ZSCAN18: variants seen among roughly 807,000 people sequenced by gnomAD.
The protein encoded by ZSCAN18 is zinc finger and SCAN domain-containing protein 18.
In ZSCAN18, 16 loss-of-function variants were observed where a neutral mutation model predicts 31.1. The observed-to-expected ratio is 0.51, with a 90% CI of 0.35 to 0.78. ZSCAN18 has a LOEUF of 0.78. Ranked by LOEUF, ZSCAN18 falls within the 30% of genes least tolerant of loss-of-function variation. ZSCAN18 has a pLI of 0.01. For missense variants in ZSCAN18, 731 were observed against 697.4 expected, an observed-to-expected ratio of 1.05 and a Z score of -0.54; for synonymous variants, 375 against 320.7, an observed-to-expected ratio of 1.17 and a Z score of -1.81.
chr19:58,086,639 G>A (rs1307766955), intron 5 of ZSCAN18: 1 of 503,768 alleles, frequency 2.0e-6, no homozygotes, highest in African/African-American at 2.0e-5. Context: ...GGCAAGGAGG[G>A]TGGCAATGTG....
At chr19:58,109,393 GC>G in intron 1 of ZSCAN18, 1 of 1,222,214 alleles carries the variant, frequency 8.2e-7, no homozygotes. Flanking sequence ...AATCAGCCAG[GC>G]CAGTATCTAT....
chr19:58,099,182 TA>T (rs2074571567), upstream of ZSCAN18, among the ~76,000 whole-genome samples: 2 of 152,210 alleles, frequency 1.3e-5, no homozygotes, highest in Non-Finnish European at 2.9e-5. Flanking sequence ...TTATGAATTT[TA>T]ACTCATATCC....
At chr19:58,085,471 A>AGGGCTCC in intron 6 of ZSCAN18, 92 bp from the exon 7 acceptor site, 1 of 1,170,282 alleles carries the variant, frequency 8.5e-7, no homozygotes, top group Non-Finnish European at 1.2e-6. Context: ...AACAGCGCAC[A>AGGGCTCC]GGGCTCCGGG....
chr19:58,092,692 C>T, intron 1 of ZSCAN18: 2 of 984,068 alleles, frequency 2.0e-6, no homozygotes, highest in Non-Finnish European at 2.4e-6. Flanking sequence ...TGTTGGAAGA[C>T]ATTCTACACA....
In ZSCAN18 at chr19:58,086,269, G is replaced by T. The variant is rs753797353; in HGVS notation, c.746-3C>A. 8 of 1,613,130 alleles carry T rather than the reference G, an allele frequency of 5.0e-6. No homozygotes were observed. The South Asian group carries it at 7.7e-5, about 15-fold the overall frequency. ...GTCAGGCTGGGAAAGCTGATACCCT[G>T]AGTGGGGTTAAAAACCAAAGAAATA... On this transcript the variant is annotated splice_region_variant and splice_polypyrimidine_tract_variant and intron_variant, in intron 5 of 6. Coordinates refer to ENST00000601144, the MANE Select transcript of ZSCAN18 (RefSeq NM_001145543.2).
chr19:58,100,151 C>G (rs921033734), upstream of ZSCAN18, among the ~76,000 whole-genome samples: 1 of 151,788 alleles, frequency 6.6e-6, no homozygotes, highest in Non-Finnish European at 1.5e-5. Context: ...GATGGGGTCT[C>G]ACTATAATGC....
chr19:58,109,203 A>G, intron 1 of ZSCAN18: 1 of 1,231,684 alleles, frequency 8.1e-7, no homozygotes, highest in Non-Finnish European at 1.0e-6. Context: ...CAGATAAAAC[A>G]GGAATCATCC....
Position 58,084,811 on chromosome 19 carries a change from G to C in ZSCAN18, c.1407C>G (p.Tyr469Ter). The C allele has an allele frequency of 6.3e-7, 1 of 1,588,252 alleles. No individual in the cohort carries two copies. The highest frequency in any genetic ancestry group is 8.5e-7 in the Non-Finnish European group (1 of 1,171,624). The stretch of plus-strand genomic sequence containing the variant: ...GGGGGCCCCGGGCGCCCCCCAGCGC[G>C]TAGCTTTTCTCCTTCTCGTGGGTCT... ...HQKTHEKEKS[Y>*]ALGGARGPQP... Residue 469 changes from tyrosine (Y) to a stop codon, truncating the protein, a stop_gained, in exon 7 of 7, where the codon TAC (tyrosine) becomes TAG (stop). Transcript: ENST00000601144. LOFTEE classifies it low-confidence loss of function (END_TRUNC). This position sits in a 1 kb window ranked among gnomAD's most constrained non-coding sequence, Gnocchi z 4.5.
At chr19:58,105,367 T>A (rs765771588) in intron 1 of ZSCAN18, among the ~76,000 whole-genome samples, 30 of 152,192 alleles carry the variant, frequency 2.0e-4, no homozygotes, top group Non-Finnish European at 4.0e-4. Context: ...TCTTCTTATT[T>A]AAGAATGCAG....
rs566286107 is a variant in ZSCAN18 at position 58,092,015 on chromosome 19, G to A, written c.-119-1629C>T. Among the ~76,000 whole-genome samples the A allele has an allele frequency of 5.3e-5, 8 of 152,314 alleles. No homozygotes were observed. In the South Asian group the frequency reaches 1.7e-3, roughly 32 times the overall value. On this transcript the variant is annotated intron_variant, in intron 1 of 6. Transcript: ENST00000601144. The stretch of plus-strand genomic sequence containing the variant: ...GGCGCAAAGACCTCACCGCTGTGGG[G>A]TGGGGTGTGGTGTGTGATTCCACAG...
intron 1 of ZSCAN18, among the ~76,000 whole-genome samples, chr19:58,092,035 C>T (rs1168675342): frequency 1.3e-5 from 2 of 152,078 alleles, no homozygotes; most frequent in South Asian, 2.1e-4. Flanking sequence ...GTGTGTGATT[C>T]CACAGAAATG....
intron 1 of ZSCAN18, among the ~76,000 whole-genome samples, chr19:58,115,215 A>G (rs1466469057): frequency 6.6e-6 from 1 of 152,250 alleles, no homozygotes; most frequent in African/African-American, 2.4e-5. Flanking sequence ...ATCCAAGTTC[A>G]ATCCTATTTA....
Position 58,086,280 on chromosome 19 carries a change from A to G in ZSCAN18, c.746-14T>C. On this transcript the variant is annotated splice_polypyrimidine_tract_variant and intron_variant, in intron 5 of 6. Transcript: ENST00000601144. ...AAAGCTGATACCCTGAGTGGGGTTA[A>G]AAACCAAAGAAATAAAAGGCATCAA... 6.2e-7 allele frequency: 1 copy of G among 1,612,182 alleles called. No individual in the cohort carries two copies. The highest frequency in any genetic ancestry group is 8.5e-7 in the Non-Finnish European group (1 of 1,178,642).
intron 1 of ZSCAN18, among the ~76,000 whole-genome samples, chr19:58,097,637 C>A (rs2074544204): frequency 6.6e-6 from 1 of 151,468 alleles, no homozygotes; most frequent in South Asian, 2.1e-4. Context: ...GCCCAGCGTC[C>A]CCCCACCACG....
chr19:58,090,103 A>C lies in ZSCAN18; in HGVS notation c.165T>G (p.Phe55Leu). Residue 55 changes from phenylalanine to leucine, a missense_variant, in exon 2 of 7, where the codon TTT (phenylalanine) becomes TTG (leucine). Phe to Leu is a conservative substitution (Grantham distance 22). Coordinates refer to ENST00000601144, the MANE Select transcript of ZSCAN18 (RefSeq NM_001145543.2). The surrounding 1 kb of genome is among the most constrained non-coding windows in gnomAD (Gnocchi z 4.7). Reference sequence around the variant, plus strand: ...GGGGCCCGGCAGCCTCCTGGTAGACAAATTCCCGGAAACGCAGGCGGGAGA... The same window carrying C: ...GGGGCCCGGCAGCCTCCTGGTAGACCAATTCCCGGAAACGCAGGCGGGAGA... Reference protein sequence around the residue: ...LEFSRLRFREFVYQEAAGPHQ... With the variant: ...LEFSRLRFRELVYQEAAGPHQ... 6.2e-7 allele frequency: 1 copy of C among 1,613,764 alleles called. No homozygotes were observed. The highest frequency in any genetic ancestry group is 8.5e-7 in the Non-Finnish European group (1 of 1,179,886).
At chr19:58,092,790 T>TA (rs1317745806) in intron 1 of ZSCAN18, 4 of 715,158 alleles carry the variant, frequency 5.6e-6, no homozygotes, top group Non-Finnish European at 6.8e-6. Context: ...TTTTTTTTTT[T>TA]AAACACAGGG....
chr19:58,085,427 GGA>G, intron 6 of ZSCAN18, 48 bp from the exon 7 acceptor site: 5 of 1,477,142 alleles, frequency 3.4e-6, no homozygotes, highest in Non-Finnish European at 4.5e-6. Context: ...CCAGGGCCAG[GGA>G]GAGGAGGACC....
intron 1 of ZSCAN18, chr19:58,092,867 G>A (rs2074442357): frequency 4.3e-6 from 1 of 233,440 alleles, no homozygotes; most frequent in Non-Finnish European, 7.0e-6. Context: ...TCAACCTCCT[G>A]AGCTCAAGTG....
At chr19:58,094,877 C>CAA (rs56377325) in intron 1 of ZSCAN18, among the ~76,000 whole-genome samples, 19 of 35,278 alleles carry the variant, frequency 5.4e-4, no homozygotes, top group African/African-American at 1.5e-3. Context: ...GACCCTGTCG[C>CAA]AAAAAAAAAA....
Sources: allele counts gnomAD v4.1 joint callset (sites outside exome capture counted in the v4.1 genomes callset), GRCh38; gene constraint gnomAD v4.1.1; non-coding constraint Gnocchi (gnomAD v3.1); transcripts MANE v1.5; gene names NCBI Gene and HGNC (gene_info 2026-07-23, HGNC 2026-07-21).